Variants in SH3GL2 observed in about 807,000 individuals in gnomAD.
SH3GL2 encodes the protein endophilin-A1.
A neutral mutation model predicts 46.0 loss-of-function variants in SH3GL2; 24 were observed. The observed-to-expected ratio is 0.52, with a 90% CI of 0.38 to 0.73. SH3GL2 has a LOEUF of 0.73. Among genes scored for constraint, SH3GL2 ranks in the 30% least tolerant of loss-of-function variants. The probability of loss-of-function intolerance (pLI) is 0.00; values close to 1 mark genes in which losing one functional copy is unlikely to be tolerated. For missense variants in SH3GL2, 413 were observed against 424.2 expected (o/e 0.97, Z 0.23); for synonymous variants, 196 against 147.1 (o/e 1.33, Z -2.40).
intron 1 of SH3GL2, among the ~76,000 whole-genome samples, chr9:17,644,469 C>T (rs1174533333): frequency 6.6e-6 from 1 of 152,136 alleles, no homozygotes; most frequent in Non-Finnish European, 1.5e-5. Context: ...GCATTTAGTG[C>T]TATAAATTTA....
chr9:17,765,743 A>G (rs1341776339), intron 3 of SH3GL2, among the ~76,000 whole-genome samples: 1 of 152,130 alleles, frequency 6.6e-6, no homozygotes, highest in African/African-American at 2.4e-5. Context: ...TCCCTCTTGT[A>G]ATCCCAGCTG....
At chr9:17,704,753 C>T (rs780114391) in intron 1 of SH3GL2, among the ~76,000 whole-genome samples, 3 of 152,008 alleles carry the variant, frequency 2.0e-5, no homozygotes, top group Non-Finnish European at 2.9e-5. Context: ...TGAAACTATA[C>T]CCCTTCCTTA....
At chr9:17,740,052 C>G (rs1317393423) in intron 1 of SH3GL2, among the ~76,000 whole-genome samples, 2 of 151,956 alleles carry the variant, frequency 1.3e-5, no homozygotes, top group African/African-American at 2.4e-5. Context: ...CAGTGTTCAT[C>G]CTGTTGAATT....
At chr9:17,775,996 A>C (rs1030960207) in intron 3 of SH3GL2, among the ~76,000 whole-genome samples, 1 of 152,194 alleles carries the variant, frequency 6.6e-6, no homozygotes, top group African/African-American at 2.4e-5. Flanking sequence ...AATTTAAATC[A>C]GGTTGTAATT....
At chr9:17,696,781 A>AT (rs935640476) in intron 1 of SH3GL2, among the ~76,000 whole-genome samples, 1 of 152,150 alleles carries the variant, frequency 6.6e-6, no homozygotes, top group African/African-American at 2.4e-5. Flanking sequence ...CAGCCAAACC[A>AT]TATCACATAG....
chr9:17,733,004 C>T (rs1035491612), intron 1 of SH3GL2, among the ~76,000 whole-genome samples: 13 of 152,082 alleles, frequency 8.5e-5, no homozygotes, highest in African/African-American at 1.7e-4. Context: ...TCACTCCCCA[C>T]GTCCTTGGCA....
chr9:17,619,683 A>T (rs1333165867), intron 1 of SH3GL2, among the ~76,000 whole-genome samples: 3 of 152,158 alleles, frequency 2.0e-5, no homozygotes, highest in East Asian at 1.9e-4. Flanking sequence ...ATCTCAAAAA[A>T]AAAATAAAAT....
intron 1 of SH3GL2, among the ~76,000 whole-genome samples, chr9:17,604,175 C>G (rs996556053): frequency 2.0e-5 from 3 of 152,166 alleles, no homozygotes; most frequent in Non-Finnish European, 4.4e-5. Flanking sequence ...TATTTACCCC[C>G]TCCTGCGTGG....
At chr9:17,655,376 G>T (rs993330718) in intron 1 of SH3GL2, among the ~76,000 whole-genome samples, 5 of 152,018 alleles carry the variant, frequency 3.3e-5, no homozygotes, top group African/African-American at 1.2e-4. Flanking sequence ...ACGATCTCTG[G>T]CTCCCCACCC....
intron 2 of SH3GL2, chr9:17,755,794 C>G: frequency 1.1e-5 from 11 of 984,760 alleles, no homozygotes; most frequent in Non-Finnish European, 1.2e-5. Context: ...GTCCTTACAC[C>G]TAAGTTCAGG....
intron 1 of SH3GL2, 34 bp from the exon 2 acceptor site, chr9:17,747,032 T>G (rs1235805426): frequency 2.8e-6 from 4 of 1,420,522 alleles, no homozygotes; most frequent in Non-Finnish European, 4.0e-6. Context: ...AGAAACTGTT[T>G]ATAATAATTC....
chr9:17,716,975 C>G (rs1588269072), intron 1 of SH3GL2, among the ~76,000 whole-genome samples: 2 of 152,206 alleles, frequency 1.3e-5, no homozygotes, highest in African/African-American at 4.8e-5. Flanking sequence ...TGGTTTCAGG[C>G]AGGAGGTTAA....
At position 17,681,627 on chromosome 9, in the gene SH3GL2, CAA is replaced by C. The variant is rs1820769450; in HGVS notation, c.46-65438_46-65437del. Among the ~76,000 whole-genome samples, 4 of 123,422 alleles carry C rather than the reference CAA, an allele frequency of 3.2e-5. 1 individual carries two copies. The Admixed American group carries it at 3.9e-4, about 12-fold the overall frequency. 81.0% of individuals were successfully genotyped at this position (123,422 alleles called of 152,430 possible). On this transcript the variant is annotated intron_variant, in intron 1 of 8. Transcript: ENST00000380607. The stretch of plus-strand genomic sequence containing the variant: ...AGAAGAAAACCTAGGCAGTGCCATT[CAA>C]GACATAGGCATGGGAAAAGACTTCA...
At chr9:17,790,472 T>A in intron 6 of SH3GL2, 1 of 959,020 alleles carries the variant, frequency 1.0e-6, no homozygotes, top group South Asian at 4.8e-5. Context: ...ACAGTGTAGG[T>A]TTTTGTTTAT....
At chr9:17,738,545 A>ATATACATATATACATGT (rs1563833701) in intron 1 of SH3GL2, among the ~76,000 whole-genome samples, 1 of 107,360 alleles carries the variant, frequency 9.3e-6, no homozygotes, top group Non-Finnish European at 2.2e-5. Flanking sequence ...TATATACATA[A>ATATACATATATACATGT]GTGTGTGTGT....
chr9:17,628,066 A>G (rs990106870), intron 1 of SH3GL2, among the ~76,000 whole-genome samples: 12 of 152,118 alleles, frequency 7.9e-5, no homozygotes, highest in Non-Finnish European at 1.6e-4. Flanking sequence ...TTGCAGTGTA[A>G]GGTACAAAAT....
At chr9:17,738,222 A>C (rs1822398061) in intron 1 of SH3GL2, among the ~76,000 whole-genome samples, 1 of 152,022 alleles carries the variant, frequency 6.6e-6, no homozygotes, top group Non-Finnish European at 1.5e-5. Flanking sequence ...TGGTGGATTT[A>C]ATCTTAAGAT....
At chr9:17,586,307 A>G (rs184678363) in intron 1 of SH3GL2, among the ~76,000 whole-genome samples, 27 of 152,312 alleles carry the variant, frequency 1.8e-4, no homozygotes, top group African/African-American at 5.5e-4. Flanking sequence ...CCACAGCTCC[A>G]TGGAGGTTTA....
At chr9:17,584,665 G>A (rs186560095) in intron 1 of SH3GL2, among the ~76,000 whole-genome samples, 142 of 152,276 alleles carry the variant, frequency 9.3e-4, no homozygotes, top group African/African-American at 2.1e-3. Context: ...CCTTTCCAGA[G>A]GTGTCAGGAT....
Sources: allele counts gnomAD v4.1 joint callset (sites outside exome capture counted in the v4.1 genomes callset), GRCh38; gene constraint gnomAD v4.1.1; transcripts MANE v1.5; gene names NCBI Gene and HGNC (gene_info 2026-07-23, HGNC 2026-07-21).